The following REV3L variants were observed in gnomAD, a reference collection of about 807,000 sequenced individuals.
REV3L encodes the protein REV3 like, DNA directed polymerase zeta catalytic subunit.
REV3L carries 69 observed loss-of-function variants against 299.4 expected under a neutral mutation model. The ratio of observed to expected loss-of-function variants is 0.23; its 90% CI spans 0.19 to 0.28. The LOEUF (loss-of-function observed/expected upper bound fraction) is 0.28. REV3L is among the 10% of genes least tolerant of loss of function. The pLI, the probability that REV3L is intolerant of heterozygous loss-of-function variation, is 1.00. For synonymous variants in REV3L, 1,238 were observed against 1,271.4 expected (o/e 0.97, Z 0.56); for missense variants, 3,128 against 3,693.8 (o/e 0.85, Z 3.97).
In REV3L at chr6:111,428,937, A is replaced by G. The variant is rs189583262; in HGVS notation, c.140-12465T>C. ...ATGCAAATAAGACTACTCCCAAGTT[A>G]TATAATAATGAAACACTCAAAGGTC... On this transcript the variant is annotated intron_variant, in intron 1 of 31. Coordinates refer to ENST00000368802, the MANE Select transcript of REV3L (RefSeq NM_001372078.1). Among the ~76,000 whole-genome samples the G allele has an allele frequency of 9.6e-4, 146 of 152,338 alleles. 3 individuals are homozygous for G. The highest frequency in any genetic ancestry group is 5.9e-5 in the Non-Finnish European group (4 of 68,026).
chr6:111,368,319 A>G (rs2115036844), intron 13 of REV3L, among the ~76,000 whole-genome samples: 1 of 152,218 alleles, frequency 6.6e-6, no homozygotes, highest in Non-Finnish European at 1.5e-5. Flanking sequence ...CTTCAAGGAG[A>G]TGACACAAAC....
chr6:111,397,143 C>A (rs1345604125), intron 4 of REV3L, among the ~76,000 whole-genome samples: 5 of 147,534 alleles, frequency 3.4e-5, no homozygotes, highest in African/African-American at 1.2e-4. Flanking sequence ...TTTATTATTT[C>A]TTTTCTTCTT....
chr6:111,384,459 A>C (rs987806435), intron 9 of REV3L, among the ~76,000 whole-genome samples: 1 of 152,218 alleles, frequency 6.6e-6, no homozygotes, highest in Non-Finnish European at 1.5e-5. Context: ...CATTTCTCAA[A>C]AGAAGATATA....
intron 2 of REV3L, 123 bp from the exon 3 acceptor site, chr6:111,411,677 C>G (rs1263447385): frequency 3.1e-6 from 2 of 652,040 alleles, no homozygotes; most frequent in South Asian, 2.4e-5. Flanking sequence ...TATCCACCCC[C>G]CAAAAAACAA....
intron 26 of REV3L, among the ~76,000 whole-genome samples, chr6:111,318,289 G>A (rs558334735): frequency 9.7e-4 from 147 of 151,198 alleles, no homozygotes; most frequent in African/African-American, 2.2e-3. Flanking sequence ...GGGTTTCACC[G>A]TGTTAGCCAG....
At chr6:111,416,798 A>G (rs922928262) in intron 1 of REV3L, among the ~76,000 whole-genome samples, 3 of 152,240 alleles carry the variant, frequency 2.0e-5, no homozygotes, top group South Asian at 2.1e-4. Flanking sequence ...TATGAAGGTT[A>G]TAAGCACAGT....
intron 17 of REV3L, among the ~76,000 whole-genome samples, chr6:111,358,076 A>G (rs2114981699): frequency 6.6e-6 from 1 of 152,340 alleles, no homozygotes; most frequent in South Asian, 2.1e-4. Context: ...AGTGGACTGA[A>G]TTCACTTGTA....
chr6:111,408,900 G>A (rs968623542), intron 3 of REV3L, among the ~76,000 whole-genome samples: 3 of 152,030 alleles, frequency 2.0e-5, no homozygotes, highest in Non-Finnish European at 4.4e-5. Context: ...GGCCAGGCTT[G>A]TCTCAAACTC....
intron 1 of REV3L, among the ~76,000 whole-genome samples, chr6:111,472,662 T>G (rs1270739470): frequency 2.0e-5 from 3 of 152,154 alleles, no homozygotes; most frequent in African/African-American, 7.2e-5. Context: ...TGTATTCAAT[T>G]TCTGCTACAG....
At chr6:111,341,352 T>G (rs1157764714) in intron 21 of REV3L, among the ~76,000 whole-genome samples, 2 of 152,188 alleles carry the variant, frequency 1.3e-5, no homozygotes, top group African/African-American at 4.8e-5. Context: ...TCAGCCAACT[T>G]CGCCTCAGCT....
Position 111,329,106 on chromosome 6 carries a change from C to T in REV3L, c.8241+426G>A, listed in dbSNP as rs544213895. Among the ~76,000 whole-genome samples, 9 of 151,882 alleles carry T rather than the reference C, an allele frequency of 5.9e-5. No homozygotes were observed. In the South Asian group the frequency reaches 8.3e-4, roughly 14 times the overall value. ...TCGCCCAGGCTGGAGTGCAATGGCG[C>T]GATCTTGGCTCACTGCAACCTCTGC... is the stretch of plus-strand genomic sequence containing the variant. On this transcript the variant is annotated intron_variant, in intron 25 of 31. Coordinates refer to ENST00000368802, the MANE Select transcript of REV3L (RefSeq NM_001372078.1).
intron 25 of REV3L, among the ~76,000 whole-genome samples, chr6:111,325,596 A>G (rs1171806765): frequency 6.6e-6 from 1 of 152,258 alleles, no homozygotes. Context: ...GGAAAGCAGG[A>G]GACCACAGTC....
chr6:111,373,371 A>C lies in REV3L; in HGVS notation c.4984T>G (p.Ser1662Ala). Residue 1662 changes from serine (S) to alanine (A), a missense_variant, in exon 13 of 32, where the codon TCT becomes GCT. Ser to Ala is a moderately conservative substitution (Grantham distance 99). Coordinates refer to ENST00000368802, the MANE Select transcript of REV3L (RefSeq NM_001372078.1). ...IGQTGFCSFYSGSQFVPADQN... is the reference protein window; with the variant it reads ...IGQTGFCSFYAGSQFVPADQN... Reference sequence around the variant, plus strand: ...TCAGCTGGGACAAACTGACTTCCAGAATAAAAGCTACAAAATCCAGTCTGA... The same window carrying C: ...TCAGCTGGGACAAACTGACTTCCAGCATAAAAGCTACAAAATCCAGTCTGA... 6.2e-7 allele frequency: 1 copy of C among 1,613,666 alleles called. No homozygotes were observed. The highest frequency in any genetic ancestry group is 8.5e-7 in the Non-Finnish European group (1 of 1,179,856).
intron 13 of REV3L, among the ~76,000 whole-genome samples, chr6:111,371,601 G>T (rs945780071): frequency 1.7e-4 from 24 of 139,426 alleles, no homozygotes; most frequent in Non-Finnish European, 2.6e-4. Flanking sequence ...ACTCTTTATT[G>T]CCCAGGCAAC....
At chr6:111,384,461 G>A (rs1781137846) in intron 9 of REV3L, among the ~76,000 whole-genome samples, 1 of 152,102 alleles carries the variant, frequency 6.6e-6, no homozygotes, top group Non-Finnish European at 1.5e-5. Flanking sequence ...TTTCTCAAAA[G>A]AAGATATACA....
intron 1 of REV3L, among the ~76,000 whole-genome samples, chr6:111,434,700 C>T (rs577006405): frequency 3.3e-5 from 5 of 150,282 alleles, no homozygotes; most frequent in South Asian, 2.1e-4. Flanking sequence ...CATTTATATA[C>T]ACCAACAGCA....
intron 30 of REV3L, chr6:111,307,796 AT>A (rs113742829): frequency 0.12 from 57,839 of 482,144 alleles, 3,957 homozygotes; most frequent in Middle Eastern, 0.18. Flanking sequence ...TATCAGATAC[AT>A]TTTTTTTTTA....
intron 16 of REV3L, among the ~76,000 whole-genome samples, chr6:111,363,113 T>C (rs758438816): frequency 2.0e-5 from 3 of 152,236 alleles, no homozygotes; most frequent in Non-Finnish European, 4.4e-5. Flanking sequence ...TCCTAGTCTT[T>C]GGCAGGCAGC....
At chr6:111,386,100 C>T (rs1227524986) in intron 9 of REV3L, among the ~76,000 whole-genome samples, 2 of 152,164 alleles carry the variant, frequency 1.3e-5, no homozygotes, top group Non-Finnish European at 2.9e-5. Context: ...AGAACAGATG[C>T]TATCTAGGTA....
Sources: allele counts gnomAD v4.1 joint callset (sites outside exome capture counted in the v4.1 genomes callset), GRCh38; gene constraint gnomAD v4.1.1; transcripts MANE v1.5; gene names NCBI Gene and HGNC (gene_info 2026-07-23, HGNC 2026-07-21).